Variants in ZNF618 observed in about 807,000 individuals in gnomAD.
ZNF618 encodes the protein zinc finger protein 618.
ZNF618 carries 34 observed loss-of-function variants against 103.0 expected under a neutral mutation model. The ratio of observed to expected loss-of-function variants is 0.33; its 90% CI spans 0.25 to 0.44. The LOEUF (loss-of-function observed/expected upper bound fraction) is 0.44, where lower values mean the gene tolerates loss of function less well. Ranked by LOEUF, ZNF618 falls within the 20% of genes least tolerant of loss-of-function variation. ZNF618 has a pLI of 1.00. For missense variants in ZNF618, 1,059 were observed against 1,295.4 expected, an observed-to-expected ratio of 0.82 and a Z score of 2.80; for synonymous variants, 551 against 542.2, an observed-to-expected ratio of 1.02 and a Z score of -0.23.
chr9:113,958,075 C>G (rs1305384302), intron 1 of ZNF618, among the ~76,000 whole-genome samples: 1 of 151,314 alleles, frequency 6.6e-6, no homozygotes, highest in Non-Finnish European at 1.5e-5. Context: ...AACTGAGATT[C>G]ATTTCTTTTT....
At chr9:113,938,462 G>A (rs1036124961) in intron 1 of ZNF618, among the ~76,000 whole-genome samples, 2 of 151,892 alleles carry the variant, frequency 1.3e-5, no homozygotes, top group South Asian at 2.1e-4. Context: ...GATTATAGGC[G>A]TGAGCCACCA....
At chr9:113,969,218 A>G (rs1029425653) in intron 2 of ZNF618, 58 bp downstream of exon 2, 3 of 1,599,906 alleles carry the variant, frequency 1.9e-6, no homozygotes, top group Admixed American at 1.7e-5. Flanking sequence ...CTTCATGACT[A>G]ACAGTTACCA....
intron 13 of ZNF618, among the ~76,000 whole-genome samples, chr9:114,045,851 T>C (rs1432546967): frequency 1.3e-5 from 2 of 151,906 alleles, no homozygotes; most frequent in Non-Finnish European, 2.9e-5. Flanking sequence ...TAACAGTAAG[T>C]CTTCCAGTCC....
intron 13 of ZNF618, among the ~76,000 whole-genome samples, chr9:114,037,704 C>T (rs1844744958): frequency 6.6e-6 from 1 of 152,202 alleles, no homozygotes; most frequent in Non-Finnish European, 1.5e-5. Context: ...GGACTAGAAT[C>T]TCTTTTAGGC....
intron 1 of ZNF618, among the ~76,000 whole-genome samples, chr9:113,882,519 C>T (rs1366088254): frequency 6.6e-6 from 1 of 152,206 alleles, no homozygotes; most frequent in Admixed American, 6.5e-5. Flanking sequence ...ACTGACAACA[C>T]TTGGGGTAGT....
chr9:113,984,341 A>G (rs1171128752), intron 2 of ZNF618, among the ~76,000 whole-genome samples: 1 of 152,200 alleles, frequency 6.6e-6, no homozygotes, highest in Non-Finnish European at 1.5e-5. Flanking sequence ...TCATGAACCA[A>G]TGTCATCATC....
At chr9:114,033,998 C>A (rs1285017062) in intron 12 of ZNF618, among the ~76,000 whole-genome samples, 1 of 152,162 alleles carries the variant, frequency 6.6e-6, no homozygotes, top group African/African-American at 2.4e-5. Flanking sequence ...CCCAGCTCCA[C>A]CACTTACTAG....
At chr9:113,953,418 T>C (rs770659985) in intron 1 of ZNF618, among the ~76,000 whole-genome samples, 1 of 152,178 alleles carries the variant, frequency 6.6e-6, no homozygotes, top group Non-Finnish European at 1.5e-5. Flanking sequence ...GTGGTAATAA[T>C]GGAAAGCGAA....
rs57763654 is a variant in ZNF618, at chr9:113,910,837, C to CTT, written c.33+34434_33+34435dup. On this transcript the variant is annotated intron_variant, in intron 1 of 14. Transcript: ENST00000374126. ...GGAACTTTCTGCTTTTTCTTTTTTTCTTTTTTTTTTTGAGATGGAGTCTTG... is the reference window on the plus strand; with the variant it reads ...GGAACTTTCTGCTTTTTCTTTTTTTCTTTTTTTTTTTTTGAGATGGAGTCTTG... Among the ~76,000 whole-genome samples the CTT allele has an allele frequency of 3.3e-3, 483 of 146,566 alleles. 1 individual carries two copies. Among genetic ancestry groups the CTT allele is most frequent in the African/African-American group, 0.01 (420 of 40,144 alleles).
intron 12 of ZNF618, 56 bp downstream of exon 12, chr9:114,032,784 C>A (rs912532935): frequency 2.0e-6 from 3 of 1,510,832 alleles, no homozygotes; most frequent in African/African-American, 1.4e-5. Flanking sequence ...TCGCCCGCTC[C>A]CCCCTGGCAG....
At chr9:113,920,820 G>A (rs1476069191) in intron 1 of ZNF618, among the ~76,000 whole-genome samples, 1 of 152,254 alleles carries the variant, frequency 6.6e-6, no homozygotes, top group Non-Finnish European at 1.5e-5. Flanking sequence ...ATCAATGACA[G>A]TTTGTGATAG....
chr9:113,913,855 C>T (rs779972003), intron 1 of ZNF618, among the ~76,000 whole-genome samples: 1 of 152,170 alleles, frequency 6.6e-6, no homozygotes, highest in Non-Finnish European at 1.5e-5. Flanking sequence ...GTTGCCCTTA[C>T]TTCTGAAATG....
At chr9:113,892,708 C>A (rs1435872701) in intron 1 of ZNF618, among the ~76,000 whole-genome samples, 1 of 152,044 alleles carries the variant, frequency 6.6e-6, no homozygotes, top group African/African-American at 2.4e-5. Context: ...TACATTTCTT[C>A]TATTTTTTTA....
chr9:113,898,215 GTCTT>G (rs1017930171), intron 1 of ZNF618, among the ~76,000 whole-genome samples: 1 of 152,150 alleles, frequency 6.6e-6, no homozygotes, highest in Non-Finnish European at 1.5e-5. Flanking sequence ...TGTCTTAGAT[GTCTT>G]TCTGTTTTCC....
Position 114,052,070 on chromosome 9 carries a change from C to G in ZNF618, c.*1903C>G, listed in dbSNP as rs1588472448. 2 of 152,652 alleles carry G rather than the reference C, an allele frequency of 1.3e-5. No homozygotes were observed. The highest frequency in any genetic ancestry group is 2.1e-4 in the South Asian group (1 of 4,830). The allele number at this position is 152,652 out of a possible 1,614,324, so 9.5% of individuals were successfully genotyped here. A position where few individuals can be genotyped will look rare whatever the true frequency, so the allele number is the denominator to read the frequency against. On this transcript the variant is annotated 3_prime_UTR_variant, in exon 15 of 15. Coordinates refer to ENST00000374126, the MANE Select transcript of ZNF618 (RefSeq NM_001318042.2). ...CCCTTCCCAATAATAAAGCATCACTCAACTGTGAGATACCTCGACTACAAA... is the reference window on the plus strand; with the variant it reads ...CCCTTCCCAATAATAAAGCATCACTGAACTGTGAGATACCTCGACTACAAA...
intron 9 of ZNF618, among the ~76,000 whole-genome samples, chr9:114,011,747 C>G (rs1842266623): frequency 6.6e-6 from 1 of 152,232 alleles, no homozygotes; most frequent in Non-Finnish European, 1.5e-5. Context: ...ACATCAGCAT[C>G]AGCTGAGCAC....
chr9:114,016,820 G>A (rs1344431455), intron 10 of ZNF618, 36 bp downstream of exon 10: 1 of 1,561,060 alleles, frequency 6.4e-7, no homozygotes, highest in Non-Finnish European at 8.8e-7. Context: ...GGGGGTTGGG[G>A]GACCCGGGAC....
At chr9:114,004,920 C>T (rs1841599935) in intron 6 of ZNF618, among the ~76,000 whole-genome samples, 1 of 152,198 alleles carries the variant, frequency 6.6e-6, no homozygotes, top group Non-Finnish European at 1.5e-5. Context: ...ATAGTACAGT[C>T]ATACATAGAA....
rs1018730543 is a variant in ZNF618, at chr9:114,050,280, A to C, written c.*113A>C. 6.9e-6 allele frequency: 9 copies of C among 1,307,928 alleles called. No individual in the cohort carries two copies. In the African/African-American group the frequency reaches 1.0e-4, roughly 15 times the overall value. The allele number at this position is 1,307,928 out of a possible 1,614,324, so 81.0% of individuals were successfully genotyped here. A position where few individuals can be genotyped will look rare whatever the true frequency, so the allele number is the denominator to read the frequency against. On this transcript the variant is annotated 3_prime_UTR_variant, in exon 15 of 15. Transcript: ENST00000374126. ...AGTTCTAAACACTGTGGACCTCATT[A>C]TAAATGCCCCCTGGAAACTTAAGTG... is the stretch of plus-strand genomic sequence containing the variant.
Sources: allele counts gnomAD v4.1 joint callset (sites outside exome capture counted in the v4.1 genomes callset), GRCh38; gene constraint gnomAD v4.1.1; transcripts MANE v1.5; gene names NCBI Gene and HGNC (gene_info 2026-07-23, HGNC 2026-07-21).